BLNK: variants seen among roughly 807,000 people sequenced by gnomAD.
BLNK encodes B cell linker, also known as B-cell linker protein.
BLNK carries 29 observed loss-of-function variants against 73.5 expected under a neutral mutation model. The observed-to-expected ratio is 0.39, with a 90% CI of 0.29 to 0.54. The LOEUF (loss-of-function observed/expected upper bound fraction) is 0.54, where lower values mean the gene tolerates loss of function less well. BLNK is among the 20% of genes least tolerant of loss of function. The pLI is 0.61. For synonymous variants in BLNK, 176 were observed against 200.8 expected (o/e 0.88, Z 1.04); for missense variants, 460 against 562.8 (o/e 0.82, Z 1.85).
chr10:96,196,777 T>C, intron 16 of BLNK, 131 bp downstream of exon 16: 1 of 885,400 alleles, frequency 1.1e-6, no homozygotes, highest in Non-Finnish European at 1.7e-6. Flanking sequence ...TTGTTCTCTA[T>C]GACATTTATG....
chr10:96,260,416 C>G (rs1843702954), intron 1 of BLNK, among the ~76,000 whole-genome samples: 1 of 152,140 alleles, frequency 6.6e-6, no homozygotes, highest in Admixed American at 6.5e-5. Context: ...TTTGTAAAAC[C>G]AAGCGACTGA....
intron 1 of BLNK, among the ~76,000 whole-genome samples, chr10:96,249,142 C>T (rs1268226988): frequency 6.6e-6 from 1 of 152,220 alleles, no homozygotes; most frequent in Non-Finnish European, 1.5e-5. Flanking sequence ...ATGAACTGTA[C>T]ACAGCTATTG....
chr10:96,221,122 C>G (rs587704181), intron 6 of BLNK, among the ~76,000 whole-genome samples: 17 of 152,300 alleles, frequency 1.1e-4, no homozygotes, highest in African/African-American at 3.6e-4. Flanking sequence ...AGTTTCTTAG[C>G]CCCTTTACAC....
At chr10:96,198,119 C>T (rs2083522876) in intron 15 of BLNK, among the ~76,000 whole-genome samples, 1 of 151,796 alleles carries the variant, frequency 6.6e-6, no homozygotes, top group Non-Finnish European at 1.5e-5. Context: ...AAGCCTATCT[C>T]AACAAAGAAC....
Position 96,207,901 on chromosome 10 carries a change from T to C in BLNK, c.747-2A>G. On this transcript the variant is annotated splice_acceptor_variant, in intron 9 of 16. Coordinates refer to ENST00000224337, the MANE Select transcript of BLNK (RefSeq NM_013314.4). LOFTEE classifies it high-confidence loss of function. Reference sequence around the variant, plus strand: ...TTCAGTGGTGTCGTTGGTTTTTTCCTGGGGAATAAAAAGAGATGAGCTTTG... The same window carrying C: ...TTCAGTGGTGTCGTTGGTTTTTTCCCGGGGAATAAAAAGAGATGAGCTTTG... 2 of 1,614,048 alleles carry C rather than the reference T, an allele frequency of 1.2e-6. No homozygotes were observed. Among genetic ancestry groups the C allele is most frequent in the Non-Finnish European group, 1.7e-6 (2 of 1,179,920 alleles).
intron 4 of BLNK, among the ~76,000 whole-genome samples, chr10:96,228,676 C>T (rs898742544): frequency 2.0e-4 from 30 of 152,216 alleles, no homozygotes; most frequent in African/African-American, 7.0e-4. Flanking sequence ...CTCTGCTTCT[C>T]ACCGCAGAGG....
intron 7 of BLNK, 135 bp downstream of exon 7, chr10:96,216,518 G>A (rs587653018): frequency 2.6e-6 from 2 of 764,258 alleles, no homozygotes; most frequent in Non-Finnish European, 4.6e-6. Context: ...AGCCAAAGAA[G>A]CACACACTGT....
At chr10:96,206,915 A>G (rs1665222725) in intron 11 of BLNK, 96 bp downstream of exon 11, 1 of 1,338,554 alleles carries the variant, frequency 7.5e-7, no homozygotes, top group Non-Finnish European at 1.1e-6. Context: ...CATGTTTACA[A>G]TTGCCCCAAA....
chr10:96,232,458 A>G (rs1282534485), intron 3 of BLNK, among the ~76,000 whole-genome samples: 1 of 152,214 alleles, frequency 6.6e-6, no homozygotes, highest in Non-Finnish European at 1.5e-5. Flanking sequence ...CCAGAGAGTC[A>G]AACATTTGGG....
chr10:96,242,705 G>A, intron 3 of BLNK, 30 bp downstream of exon 3: 1 of 1,590,234 alleles, frequency 6.3e-7, no homozygotes, highest in Non-Finnish European at 8.6e-7. Context: ...TTAGTCAAGA[G>A]TCAGTTAAAG....
chr10:96,225,900 C>T (rs1263940403), intron 5 of BLNK, among the ~76,000 whole-genome samples: 2 of 152,168 alleles, frequency 1.3e-5, no homozygotes, highest in East Asian at 3.8e-4. Context: ...CCACTGTGGC[C>T]TCCCAAAGTG....
In BLNK at chr10:96,247,048, G is replaced by C; in HGVS notation, c.49C>G (p.Gln17Glu). 6.3e-7 allele frequency: 1 copy of C among 1,598,908 alleles called. No homozygotes were observed. Among genetic ancestry groups the C allele is most frequent in the African/African-American group, 1.3e-5 (1 of 74,264 alleles). The change falls in exon 2 of 17, where the codon CAG (glutamine) becomes GAG (glutamate). Residue 17 changes from glutamine to glutamate, a missense_variant and splice_region_variant. Around this residue, in one of 3 missense-constraint regions of BLNK, gnomAD observed 139 missense variants for 187.3 expected, o/e 0.74. Coordinates refer to ENST00000224337, the MANE Select transcript of BLNK (RefSeq NM_013314.4). ...ITVPASQKLRQLQKMVHDIKN... is the reference protein window; with the variant it reads ...ITVPASQKLRELQKMVHDIKN... ...ATATCATGGACCATCTTTTGAAGCT[G>C]CCTGTAAAAAACAAAATTAAACATA...
At chr10:96,218,823 T>C (rs782111939) in intron 6 of BLNK, among the ~76,000 whole-genome samples, 4 of 152,206 alleles carry the variant, frequency 2.6e-5, no homozygotes, top group Non-Finnish European at 5.9e-5. Flanking sequence ...CTTTATTTAA[T>C]TGCTATTTCT....
chr10:96,204,735 T>C, intron 11 of BLNK, 119 bp from the exon 12 acceptor site: 1 of 856,342 alleles, frequency 1.2e-6, no homozygotes, highest in Non-Finnish European at 1.9e-6. Flanking sequence ...GGAACATGTC[T>C]TAGTTACTGA....
chr10:96,217,589 G>A (rs1277247879), intron 6 of BLNK, among the ~76,000 whole-genome samples: 2 of 151,964 alleles, frequency 1.3e-5, no homozygotes, highest in Admixed American at 6.6e-5. Context: ...TATACTTATT[G>A]TCAATTTTTG....
chr10:96,218,153 A>G (rs1463430220), intron 6 of BLNK, among the ~76,000 whole-genome samples: 6 of 152,240 alleles, frequency 3.9e-5, no homozygotes, highest in Non-Finnish European at 8.8e-5. Flanking sequence ...CAAGACACAA[A>G]TGAGGTAACC....
At position 96,204,512 on chromosome 10, in the gene BLNK, T is replaced by C. The variant is rs782388798; in HGVS notation, c.902+20A>G. ...TGCAGCAACAAGAGGAAACTGATCT[T>C]TAAAGGAAAGGATTCTTACTTCTGG... is the stretch of plus-strand genomic sequence containing the variant. On this transcript the variant is annotated intron_variant, in intron 12 of 16. Transcript: ENST00000224337. The C allele has an allele frequency of 6.2e-7, 1 of 1,612,310 alleles. No individual in the cohort carries two copies. Among genetic ancestry groups the C allele is most frequent in the Non-Finnish European group, 8.5e-7 (1 of 1,178,414 alleles).
rs587735884 is a variant in BLNK at position 96,192,711 on chromosome 10, T to G, written c.1252-619A>C. The stretch of plus-strand genomic sequence containing the variant: ...TATTTTTCCAAATTTTGATCCTTGT[T>G]GTCTATGGGTTTTAATTTAAAATTA... On this transcript the variant is annotated intron_variant, in intron 16 of 16. Transcript: ENST00000224337. Among the ~76,000 whole-genome samples the G allele has an allele frequency of 5.9e-5, 9 of 152,306 alleles. No individual in the cohort carries two copies. The East Asian group carries it at 1.7e-3, about 29-fold the overall frequency.
intron 16 of BLNK, 50 bp downstream of exon 16, chr10:96,196,858 T>C (rs782657554): frequency 1.9e-6 from 3 of 1,564,736 alleles, no homozygotes; most frequent in Non-Finnish European, 2.6e-6. Flanking sequence ...TTTGATGTCA[T>C]TATACTCAAT....
Sources: gnomAD v4.1 joint callset for allele counts (sites outside exome capture counted in the v4.1 genomes callset) on GRCh38, gnomAD v4.1.1 for gene constraint, gnomAD v4.1.1 regional missense constraint, MANE v1.5 for transcripts, NCBI Gene and HGNC (gene_info 2026-07-23, HGNC 2026-07-21) for gene names.